The following FBXW8 variants were observed in gnomAD, a reference collection of about 807,000 sequenced individuals.
FBXW8 encodes F-box and WD repeat domain containing 8.
A neutral mutation model predicts 65.3 loss-of-function variants in FBXW8; 57 were observed. The ratio of observed to expected loss-of-function variants is 0.87; its 90% CI spans 0.71 to 1.09. The LOEUF (loss-of-function observed/expected upper bound fraction) is 1.09. Ranked by LOEUF, FBXW8 falls within the 50% of genes least tolerant of loss-of-function variation. The pLI is 0.00. For missense variants in FBXW8, 777 were observed against 814.8 expected (o/e 0.95, Z 0.57); for synonymous variants, 308 against 330.2 (o/e 0.93, Z 0.73).
At chr12:116,994,576 A>G (rs933832695) in intron 7 of FBXW8, among the ~76,000 whole-genome samples, 8 of 152,204 alleles carry the variant, frequency 5.3e-5, no homozygotes, top group Non-Finnish European at 1.0e-4. Context: ...CTTATAATCA[A>G]ATTACCATAT....
intron 4 of FBXW8, among the ~76,000 whole-genome samples, chr12:116,963,587 G>A (rs1369156144): frequency 6.6e-6 from 1 of 152,206 alleles, no homozygotes; most frequent in Non-Finnish European, 1.5e-5. Context: ...CTGGGCAACA[G>A]AGTGAGACCC....
intron 10 of FBXW8, 53 bp from the exon 11 acceptor site, chr12:117,027,975 G>C: frequency 6.2e-7 from 1 of 1,608,628 alleles, no homozygotes; most frequent in South Asian, 1.1e-5. Flanking sequence ...AGCGGCTGGG[G>C]TGAGGGCCAG....
At chr12:116,952,258 G>A (rs1240829074) in intron 4 of FBXW8, among the ~76,000 whole-genome samples, 1 of 152,156 alleles carries the variant, frequency 6.6e-6, no homozygotes, top group East Asian at 1.9e-4. Flanking sequence ...GTTTGTGTAA[G>A]AACACTCTGT....
chr12:116,924,113 T>C (rs575942380), intron 1 of FBXW8, among the ~76,000 whole-genome samples: 2 of 152,346 alleles, frequency 1.3e-5, no homozygotes, highest in African/African-American at 4.8e-5. Context: ...TCCTTTTCCT[T>C]CTTCTTGGAA....
At chr12:116,917,881 A>G (rs1219174003) in intron 1 of FBXW8, among the ~76,000 whole-genome samples, 1 of 151,888 alleles carries the variant, frequency 6.6e-6, no homozygotes, top group Non-Finnish European at 1.5e-5. Context: ...AGTCCCAGCT[A>G]CTGGGGAGGC....
chr12:116,918,736 G>C (rs1284809485), intron 1 of FBXW8, among the ~76,000 whole-genome samples: 8 of 152,308 alleles, frequency 5.3e-5, no homozygotes, highest in Non-Finnish European at 1.0e-4. Context: ...GGTGAGGTCA[G>C]CTCTGCCTAA....
intron 7 of FBXW8, among the ~76,000 whole-genome samples, chr12:116,992,141 G>A (rs921558634): frequency 1.3e-4 from 20 of 152,164 alleles, no homozygotes; most frequent in African/African-American, 4.6e-4. Context: ...AAACAAAGCC[G>A]AGTAATTTAG....
chr12:116,911,415 AC>A, intron 1 of FBXW8, 60 bp downstream of exon 1: 1 of 1,141,782 alleles, frequency 8.8e-7, no homozygotes, highest in Non-Finnish European at 1.1e-6. Context: ...CCCAGGACAA[AC>A]CCCTGCAGTG....
At chr12:116,955,140 C>T (rs933465268) in intron 4 of FBXW8, among the ~76,000 whole-genome samples, 7 of 152,068 alleles carry the variant, frequency 4.6e-5, no homozygotes, top group African/African-American at 1.7e-4. Context: ...AGGAAAACTC[C>T]CCTTCGGCGA....
At chr12:116,967,241 T>G (rs1884384148) in intron 5 of FBXW8, among the ~76,000 whole-genome samples, 1 of 152,176 alleles carries the variant, frequency 6.6e-6, no homozygotes, top group Admixed American at 6.5e-5. Context: ...TTATTCTTTT[T>G]AATGCCTGTG....
chr12:116,928,490 TGTTATTAG>T (rs1881510235), intron 2 of FBXW8, among the ~76,000 whole-genome samples: 1 of 152,188 alleles, frequency 6.6e-6, no homozygotes, highest in Admixed American at 6.5e-5. Context: ...AAATCGAGCC[TGTTATTAG>T]GTTGGTAGCT....
chr12:116,967,115 G>T (rs887786368), intron 5 of FBXW8, among the ~76,000 whole-genome samples: 3 of 151,010 alleles, frequency 2.0e-5, no homozygotes, highest in Non-Finnish European at 2.9e-5. Context: ...AGGCCCTCTC[G>T]CATTTTACTC....
intron 7 of FBXW8, among the ~76,000 whole-genome samples, chr12:116,989,791 C>T (rs1486895682): frequency 6.6e-6 from 1 of 152,208 alleles, no homozygotes; most frequent in Non-Finnish European, 1.5e-5. Context: ...CGTGTCTGGG[C>T]CAGCAGACCC....
chr12:116,947,699 A>G (rs1439432481), intron 3 of FBXW8, among the ~76,000 whole-genome samples: 10 of 149,584 alleles, frequency 6.7e-5, no homozygotes, highest in African/African-American at 2.0e-4. Context: ...AGATTGCGCC[A>G]TTGCACTCCA....
At chr12:116,935,005 T>TC (rs1364832488) in intron 2 of FBXW8, among the ~76,000 whole-genome samples, 1 of 152,214 alleles carries the variant, frequency 6.6e-6, no homozygotes, top group Non-Finnish European at 1.5e-5. Context: ...TGATCTGTTC[T>TC]CCAACTCCAT....
At chr12:116,938,718 A>C (rs1882340010) in intron 2 of FBXW8, among the ~76,000 whole-genome samples, 1 of 152,242 alleles carries the variant, frequency 6.6e-6, no homozygotes, top group Non-Finnish European at 1.5e-5. Flanking sequence ...ATCATTGAGC[A>C]CTGCCTTTGG....
intron 2 of FBXW8, among the ~76,000 whole-genome samples, chr12:116,945,071 A>AT (rs779274720): frequency 6.6e-6 from 1 of 152,128 alleles, no homozygotes; most frequent in Non-Finnish European, 1.5e-5. Flanking sequence ...AAAAGTTTAT[A>AT]TTTTTTGCAT....
intron 3 of FBXW8, chr12:116,949,343 T>C: frequency 2.3e-6 from 1 of 443,280 alleles, no homozygotes; most frequent in Non-Finnish European, 4.1e-6. Flanking sequence ...ACATATTTGC[T>C]TTCTATTCTG....
intron 5 of FBXW8, among the ~76,000 whole-genome samples, chr12:116,965,970 C>T (rs1278016980): frequency 1.4e-5 from 2 of 147,676 alleles, no homozygotes; most frequent in Non-Finnish European, 3.0e-5. Context: ...GCCGTGTTGT[C>T]CAGACTGGTC....
Sources: allele counts gnomAD v4.1 joint callset (sites outside exome capture counted in the v4.1 genomes callset), GRCh38; gene constraint gnomAD v4.1.1; transcripts MANE v1.5; gene names NCBI Gene and HGNC (gene_info 2026-07-23, HGNC 2026-07-21).